Variants in ZC3HAV1 observed in about 807,000 individuals in gnomAD.
ZC3HAV1 encodes the protein zinc finger CCCH-type containing, antiviral 1.
Under a neutral mutation model 86.6 loss-of-function variants are expected in ZC3HAV1, and 41 were observed. The observed-to-expected ratio is 0.47, with a 90% CI of 0.37 to 0.61. ZC3HAV1 has a LOEUF of 0.61. Ranked by LOEUF, ZC3HAV1 falls within the 20% of genes least tolerant of loss-of-function variation. The pLI is 0.00. For missense variants in ZC3HAV1, 964 were observed against 1,141.1 expected (o/e 0.84, Z 2.24); for synonymous variants, 421 against 432.1 (o/e 0.97, Z 0.32).
chr7:139,048,119 C>A (rs1264642044), intron 12 of ZC3HAV1, among the ~76,000 whole-genome samples: 2 of 152,116 alleles, frequency 1.3e-5, no homozygotes, highest in South Asian at 2.1e-4. Flanking sequence ...GGTGCAATGA[C>A]CAAATGACAA....
chr7:139,047,963 T>C (rs1816009918), intron 12 of ZC3HAV1, 110 bp from the exon 13 acceptor site: 3 of 1,097,080 alleles, frequency 2.7e-6, no homozygotes, highest in Admixed American at 2.7e-5. Flanking sequence ...ATGTCAATAA[T>C]ACCTTACTGA....
chr7:139,055,189 A>G lies in ZC3HAV1; in HGVS notation c.2187+16T>C, dbSNP rs745528953. 3 of 1,604,040 alleles carry G rather than the reference A, an allele frequency of 1.9e-6. No individual in the cohort carries two copies. The highest frequency in any genetic ancestry group is 2.6e-6 in the Non-Finnish European group (3 of 1,172,934). On this transcript the variant is annotated intron_variant, in intron 10 of 12. Coordinates refer to ENST00000242351, the MANE Select transcript of ZC3HAV1 (RefSeq NM_020119.4). Reference sequence around the variant, plus strand: ...CTTTTAACAGACTCATCCACCAAACATGTAAAACCAAGTACCTTATATTTC... The same window carrying G: ...CTTTTAACAGACTCATCCACCAAACGTGTAAAACCAAGTACCTTATATTTC...
In ZC3HAV1 at chr7:139,109,598, A is replaced by G. The variant is rs1818049689; in HGVS notation, c.-267T>C. The G allele has an allele frequency of 2.5e-6, 1 of 393,652 alleles. No individual in the cohort carries two copies. The highest frequency in any genetic ancestry group is 2.1e-5 in the African/African-American group (1 of 47,918). 24.4% of individuals were successfully genotyped at this position (393,652 alleles called of 1,614,324 possible). ...GGGCAACTGGGTGGAAAGAAAGAGA[A>G]CGCGCGGGCAAATCTGCTGGTGACC... On this transcript the variant is annotated 5_prime_UTR_variant, in exon 1 of 13. Transcript: ENST00000242351.
Position 139,079,721 on chromosome 7 carries a change from G to T in ZC3HAV1, c.1220C>A (p.Ser407Tyr). Residue 407 changes from serine (S) to tyrosine (Y), a missense_variant, in exon 4 of 13, where the codon TCC (serine) becomes TAC (tyrosine). By Grantham distance (144) the Ser-to-Tyr change is moderately radical (BLOSUM62 -2). Coordinates refer to ENST00000242351, the MANE Select transcript of ZC3HAV1 (RefSeq NM_020119.4). ...GCCATTGATGATCCTGTAGTCTGAGGAAAGCAAGCCTGTGCCCTTTCTGGT... is the reference window on the plus strand; with the variant it reads ...GCCATTGATGATCCTGTAGTCTGAGTAAAGCAAGCCTGTGCCCTTTCTGGT... ...VTTRKGTGLLSSDYRIINGKS... is the reference protein window; with the variant it reads ...VTTRKGTGLLYSDYRIINGKS... 1 of 1,614,198 alleles carries T rather than the reference G, an allele frequency of 6.2e-7. No homozygotes were observed. Among genetic ancestry groups the T allele is most frequent in the Non-Finnish European group, 8.5e-7 (1 of 1,180,056 alleles).
chr7:139,051,974 T>G (rs1816136269), intron 12 of ZC3HAV1, among the ~76,000 whole-genome samples: 1 of 152,164 alleles, frequency 6.6e-6, no homozygotes, highest in Non-Finnish European at 1.5e-5. Context: ...TAGTTTTTTT[T>G]TTGTTTTTTT....
intron 6 of ZC3HAV1, 129 bp from the exon 7 acceptor site, chr7:139,074,159 T>C (rs1014296809): frequency 1.2e-6 from 1 of 840,370 alleles, no homozygotes; most frequent in Admixed American, 3.1e-5. Flanking sequence ...TTTCTTTCCA[T>C]GGCTCCAGGT....
intron 7 of ZC3HAV1, among the ~76,000 whole-genome samples, chr7:139,068,867 G>A (rs1816684817): frequency 6.6e-6 from 1 of 152,180 alleles, no homozygotes; most frequent in Non-Finnish European, 1.5e-5. Context: ...AACCCTCGCT[G>A]TTGTAAGACT....
Position 139,053,491 on chromosome 7 carries a change from G to A in ZC3HAV1, c.2409C>T (p.Asp803=), listed in dbSNP as rs988591827. The A allele has an allele frequency of 6.2e-7, 1 of 1,602,914 alleles. No homozygotes were observed. Among genetic ancestry groups the A allele is most frequent in the South Asian group, 1.1e-5 (1 of 88,864 alleles). ...YVESICSNNF[D]SFLHETHENK... ...TTTCATGAGTTTCATGTAGGAAACT[G>A]TCAAAATTATTCGAACAGATAGATT... Residue 803 remains aspartate, a synonymous_variant, in exon 12 of 13, where the codon GAC becomes GAT. Transcript: ENST00000242351.
chr7:139,073,774 A>T, intron 7 of ZC3HAV1, 82 bp downstream of exon 7: 1 of 1,404,294 alleles, frequency 7.1e-7, no homozygotes, highest in Non-Finnish European at 9.5e-7. Context: ...TACAGGCATG[A>T]GCCACCGTGC....
rs1293166333 is a variant in ZC3HAV1, at chr7:139,076,191, A to G, written c.1697+95T>C. 3.2e-6 allele frequency: 5 copies of G among 1,552,198 alleles called. No individual in the cohort carries two copies. The African/African-American group carries it at 4.1e-5, about 13-fold the overall frequency. ...TCACACTCGAATGGGATTCTGATGGAAAAGTGTTTTTTTCTTTTTCCCCTG... is the reference window on the plus strand; with the variant it reads ...TCACACTCGAATGGGATTCTGATGGGAAAGTGTTTTTTTCTTTTTCCCCTG... On this transcript the variant is annotated intron_variant, in intron 6 of 12. Coordinates refer to ENST00000242351, the MANE Select transcript of ZC3HAV1 (RefSeq NM_020119.4).
intron 2 of ZC3HAV1, among the ~76,000 whole-genome samples, chr7:139,089,039 T>C (rs1455518122): frequency 2.1e-5 from 3 of 142,592 alleles, no homozygotes; most frequent in Non-Finnish European, 4.5e-5. Flanking sequence ...GAGGCAGAGG[T>C]TGCAGTGAGC....
intron 10 of ZC3HAV1, 50 bp downstream of exon 10, chr7:139,055,155 T>C: frequency 1.3e-6 from 2 of 1,517,910 alleles, no homozygotes; most frequent in Non-Finnish European, 1.8e-6. Context: ...AGCAAAGTAC[T>C]TTTTCTAACT....
chr7:139,104,146 G>A (rs936081530), intron 1 of ZC3HAV1, among the ~76,000 whole-genome samples: 3 of 152,118 alleles, frequency 2.0e-5, no homozygotes, highest in Admixed American at 1.3e-4. Flanking sequence ...AATATTCTCT[G>A]ATGCTTGCGT....
chr7:139,099,393 G>A (rs1193885426), intron 1 of ZC3HAV1, among the ~76,000 whole-genome samples: 1 of 152,196 alleles, frequency 6.6e-6, no homozygotes, highest in African/African-American at 2.4e-5. Context: ...CACAGAACAT[G>A]CAAGAGTAAA....
rs1368279713 is a variant in ZC3HAV1, at chr7:139,097,416, A to AT, written c.309-7658dup. On this transcript the variant is annotated intron_variant, in intron 1 of 12. Transcript: ENST00000242351. The stretch of plus-strand genomic sequence containing the variant: ...ATTGGAACTCCATATATATATATAT[A>AT]TATATATATATATTTTTTTTTTTTT... Among the ~76,000 whole-genome samples, 198 of 77,118 alleles carry AT rather than the reference A, an allele frequency of 2.6e-3. 1 individual carries two copies. The highest frequency in any genetic ancestry group is 5.1e-3 in the Middle Eastern group (1 of 196). The allele number at this position is 77,118 out of a possible 152,430, so 50.6% of individuals were successfully genotyped here.
At chr7:139,085,216 G>A (rs1388928296) in intron 2 of ZC3HAV1, among the ~76,000 whole-genome samples, 3 of 152,188 alleles carry the variant, frequency 2.0e-5, no homozygotes, top group Non-Finnish European at 4.4e-5. Flanking sequence ...TCTGATGTCC[G>A]CTAAAGTTTG....
At chr7:139,103,572 A>C (rs1817840367) in intron 1 of ZC3HAV1, among the ~76,000 whole-genome samples, 1 of 152,262 alleles carries the variant, frequency 6.6e-6, no homozygotes, top group Admixed American at 6.5e-5. Flanking sequence ...CTAATTCGTC[A>C]GAATCTGGAA....
In ZC3HAV1 at chr7:139,047,349, AAAT is replaced by A; in HGVS notation, c.*242_*244del. 2 of 389,362 alleles carry A rather than the reference AAAT, an allele frequency of 5.1e-6. No homozygotes were observed. Among genetic ancestry groups the A allele is most frequent in the Non-Finnish European group, 4.5e-6 (1 of 219,904 alleles). 24.1% of individuals were successfully genotyped at this position (389,362 alleles called of 1,614,324 possible). On this transcript the variant is annotated 3_prime_UTR_variant, in exon 13 of 13. Coordinates refer to ENST00000242351, the MANE Select transcript of ZC3HAV1 (RefSeq NM_020119.4). The stretch of plus-strand genomic sequence containing the variant: ...GTCTCAAAAAAAAAAAAAAAAAAAA[AAAT>A]ACAACTGCCTGGCGCTGACGCCCAG...
At position 139,092,840 on chromosome 7, in the gene ZC3HAV1, C is replaced by G. The variant is rs1353424690; in HGVS notation, c.309-3081G>C. ...TCCTCTAGATTCTGTGATTCTCACC[C>G]TGAACCCAGTCTCAACCTGCAACAT... On this transcript the variant is annotated intron_variant, in intron 1 of 12. Coordinates refer to ENST00000242351, the MANE Select transcript of ZC3HAV1 (RefSeq NM_020119.4). Among the ~76,000 whole-genome samples, 6 of 152,364 alleles carry G rather than the reference C, an allele frequency of 3.9e-5. No individual in the cohort carries two copies. The East Asian group carries it at 9.6e-4, about 24-fold the overall frequency.
Sources: allele counts gnomAD v4.1 joint callset (sites outside exome capture counted in the v4.1 genomes callset), GRCh38; gene constraint gnomAD v4.1.1; transcripts MANE v1.5; gene names NCBI Gene and HGNC (gene_info 2026-07-23, HGNC 2026-07-21).